Variants in POLR3B observed in about 807,000 individuals in gnomAD.
POLR3B encodes RNA polymerase III subunit B.
Under a neutral mutation model 147.4 loss-of-function variants are expected in POLR3B, and 96 were observed. The ratio of observed to expected loss-of-function variants is 0.65; its 90% CI spans 0.55 to 0.77. POLR3B has a LOEUF of 0.77. POLR3B is among the 30% of genes least tolerant of loss of function. The pLI is 0.00. For missense variants in POLR3B, 1,036 were observed against 1,413.5 expected (o/e 0.73, Z 4.28); for synonymous variants, 461 against 485.9 (o/e 0.95, Z 0.67).
At chr12:106,408,971 A>G (rs1413057284) in intron 11 of POLR3B, among the ~76,000 whole-genome samples, 3 of 152,240 alleles carry the variant, frequency 2.0e-5, no homozygotes, top group African/African-American at 7.2e-5. Context: ...GAGTGGCATT[A>G]TACAGTTCAG....
Position 106,369,675 on chromosome 12 carries a change from T to C in POLR3B, c.396T>C (p.Pro132=). 6.2e-7 allele frequency: 1 copy of C among 1,601,114 alleles called. No individual in the cohort carries two copies. The highest frequency in any genetic ancestry group is 1.1e-5 in the South Asian group (1 of 90,824). The part of the protein sequence containing the change: ...GSQRIIRNAL[P]IGRMPIMLRS... ...AGAGGATCATCCGCAATGCCTTACC[T>C]ATCGGCAGGTGAGAAATGAAATCCG... The change falls in exon 6 of 28, where the codon CCT becomes CCC. Residue 132 remains proline (P), a synonymous_variant. Coordinates refer to ENST00000228347, the MANE Select transcript of POLR3B (RefSeq NM_018082.6).
chr12:106,421,502 T>C (rs1048646071), intron 12 of POLR3B, among the ~76,000 whole-genome samples: 4 of 152,156 alleles, frequency 2.6e-5, no homozygotes, highest in Admixed American at 6.5e-5. Flanking sequence ...AATTTGCATT[T>C]TCTATATTAC....
chr12:106,386,751 C>A (rs2036845091), intron 9 of POLR3B, among the ~76,000 whole-genome samples: 2 of 151,658 alleles, frequency 1.3e-5, no homozygotes, highest in Admixed American at 1.3e-4. Flanking sequence ...ACTAAAAATA[C>A]AAAAAATTAG....
intron 11 of POLR3B, among the ~76,000 whole-genome samples, chr12:106,408,347 G>A (rs1157066438): frequency 1.3e-5 from 2 of 152,168 alleles, no homozygotes; most frequent in Non-Finnish European, 2.9e-5. Context: ...CTTTGTCTTG[G>A]TATACTGGCC....
chr12:106,397,710 C>T (rs1027161797), intron 10 of POLR3B, among the ~76,000 whole-genome samples: 1 of 152,048 alleles, frequency 6.6e-6, no homozygotes, highest in Non-Finnish European at 1.5e-5. Context: ...AGTAGTATTT[C>T]GTTATATGAA....
chr12:106,479,230 A>T (rs1479979938), intron 23 of POLR3B, among the ~76,000 whole-genome samples: 1 of 151,798 alleles, frequency 6.6e-6, no homozygotes, highest in African/African-American at 2.4e-5. Context: ...AAATATTGGG[A>T]CTTCCAGATT....
At chr12:106,358,124 G>C in intron 1 of POLR3B, 173 bp downstream of exon 1, 2 of 1,481,886 alleles carry the variant, frequency 1.3e-6, no homozygotes, top group East Asian at 5.0e-5. Flanking sequence ...GCCGGCCTCC[G>C]CGTGCGCGAG....
chr12:106,456,951 G>A (rs2037872593), intron 20 of POLR3B, among the ~76,000 whole-genome samples, 187 bp from the exon 21 acceptor site: 1 of 152,166 alleles, frequency 6.6e-6, no homozygotes. Context: ...GACAAGTCCT[G>A]TGCTGCTTCT....
At chr12:106,470,553 A>T (rs940672816) in intron 23 of POLR3B, among the ~76,000 whole-genome samples, 2 of 152,108 alleles carry the variant, frequency 1.3e-5, no homozygotes, top group Non-Finnish European at 2.9e-5. Flanking sequence ...TGGAATTTTC[A>T]GCCTTTCTGC....
At chr12:106,449,290 C>CT (rs1398455965) in intron 19 of POLR3B, among the ~76,000 whole-genome samples, 1 of 152,150 alleles carries the variant, frequency 6.6e-6, no homozygotes, top group Non-Finnish European at 1.5e-5. Flanking sequence ...GAGTTTTCCA[C>CT]TTGTGGCGGC....
intron 10 of POLR3B, among the ~76,000 whole-genome samples, chr12:106,402,210 A>G (rs1266769235): frequency 6.6e-6 from 1 of 152,156 alleles, no homozygotes; most frequent in African/African-American, 2.4e-5. Context: ...CCCATTCACA[A>G]TTGCTTCAAA....
At chr12:106,435,374 G>A (rs932784915) in intron 16 of POLR3B, among the ~76,000 whole-genome samples, 3 of 151,758 alleles carry the variant, frequency 2.0e-5, no homozygotes, top group Non-Finnish European at 4.4e-5. Context: ...CGAACTCCTG[G>A]CCTCAAGTGA....
chr12:106,366,642 G>A lies in POLR3B; in HGVS notation c.163-16G>A, dbSNP rs111316875. Reference sequence around the variant, plus strand: ...GGAAGCCAGAGTCTTTGCTAATGTTGCATTTTCCACTGCAGATAAAGAAGA... The same window carrying A: ...GGAAGCCAGAGTCTTTGCTAATGTTACATTTTCCACTGCAGATAAAGAAGA... On this transcript the variant is annotated splice_polypyrimidine_tract_variant and intron_variant, in intron 3 of 27. Transcript: ENST00000228347. 1,876 of 1,611,840 alleles carry A rather than the reference G, an allele frequency of 1.2e-3. 6 individuals are homozygous for A. The highest frequency in any genetic ancestry group is 1.5e-3 in the Non-Finnish European group (1,747 of 1,177,962).
chr12:106,459,025 ATG>A (rs113294680), intron 21 of POLR3B, among the ~76,000 whole-genome samples: 17 of 149,928 alleles, frequency 1.1e-4, no homozygotes, highest in African/African-American at 2.4e-4. Context: ...ATAGACTATG[ATG>A]TGTGTGTGTG....
At chr12:106,488,835 G>A (rs747008121) in intron 23 of POLR3B, among the ~76,000 whole-genome samples, 1 of 152,078 alleles carries the variant, frequency 6.6e-6, no homozygotes, top group African/African-American at 2.4e-5. Flanking sequence ...TTTATTAGAA[G>A]ATTAACTACT....
At chr12:106,495,197 C>A (rs756293497) in intron 23 of POLR3B, among the ~76,000 whole-genome samples, 1 of 152,086 alleles carries the variant, frequency 6.6e-6, no homozygotes, top group Non-Finnish European at 1.5e-5. Flanking sequence ...CCAAAAAAAT[C>A]AGAGGAATGA....
At chr12:106,451,353 T>C (rs934961818) in intron 19 of POLR3B, among the ~76,000 whole-genome samples, 1 of 152,096 alleles carries the variant, frequency 6.6e-6, no homozygotes, top group Non-Finnish European at 1.5e-5. Context: ...TGAGGCCAGG[T>C]ACTGTGGTTC....
At chr12:106,400,238 G>A (rs2037043079) in intron 10 of POLR3B, among the ~76,000 whole-genome samples, 1 of 152,124 alleles carries the variant, frequency 6.6e-6, no homozygotes, top group Non-Finnish European at 1.5e-5. Context: ...AGACAAAGAA[G>A]GCCATTACAT....
At chr12:106,404,644 C>G (rs543606179) in intron 10 of POLR3B, among the ~76,000 whole-genome samples, 7 of 152,158 alleles carry the variant, frequency 4.6e-5, no homozygotes, top group Admixed American at 1.3e-4. Context: ...CTTTTAAAAA[C>G]AAATCCTGGA....
Sources: allele counts gnomAD v4.1 joint callset (sites outside exome capture counted in the v4.1 genomes callset), GRCh38; gene constraint gnomAD v4.1.1; transcripts MANE v1.5; gene names NCBI Gene and HGNC (gene_info 2026-07-23, HGNC 2026-07-21).